The following GALNT13 variants were observed in gnomAD, a reference collection of about 807,000 sequenced individuals.
GALNT13 encodes the protein polypeptide N-acetylgalactosaminyltransferase 13.
Under a neutral mutation model 64.2 loss-of-function variants are expected in GALNT13, and 28 were observed. That is an observed-to-expected ratio of 0.44 (90% confidence interval 0.32 to 0.60). The LOEUF is 0.60. GALNT13 is among the 20% of genes least tolerant of loss of function. The pLI is 0.05. For synonymous variants in GALNT13, 214 were observed against 224.6 expected, an observed-to-expected ratio of 0.95 and a Z score of 0.42; for missense variants, 577 against 669.8, an observed-to-expected ratio of 0.86 and a Z score of 1.53.
the GALNT13 span, among the ~76,000 whole-genome samples, chr2:153,349,245 G>A: frequency 2.0e-5 from 3 of 151,916 alleles, no homozygotes; most frequent in African/African-American, 4.8e-5. Context: ...TCTGTGAACC[G>A]TGCATTTTCT....
chr2:154,212,030 G>T (rs1370319155), intron 4 of GALNT13, among the ~76,000 whole-genome samples: 2 of 152,238 alleles, frequency 1.3e-5, no homozygotes, highest in East Asian at 3.9e-4. Flanking sequence ...TGTCCATTGA[G>T]TTTGGAAAAT....
chr2:153,420,145 T>C, the GALNT13 span, among the ~76,000 whole-genome samples: 3 of 152,210 alleles, frequency 2.0e-5, no homozygotes, highest in Non-Finnish European at 4.4e-5. Flanking sequence ...CCAGTCTGCA[T>C]ATACATTTAG....
rs199906712 is a variant in GALNT13, at chr2:154,252,362, T to TA, written c.857+6380_857+6381insA. On this transcript the variant is annotated intron_variant, in intron 7 of 12. Coordinates refer to ENST00000392825, the MANE Select transcript of GALNT13 (RefSeq NM_052917.4). ...ATTTATTTTATTTTATTATTATTAT[T>TA]TTTTTTTTTTTGAGATGGAGTCTCG... 4.8e-3 allele frequency among the ~76,000 whole-genome samples: 679 copies of TA among 142,098 alleles called. 4 individuals carry two copies. Among genetic ancestry groups the TA allele is most frequent in the Middle Eastern group, 0.019 (5 of 268 alleles). 93.2% of individuals were successfully genotyped at this position (142,098 alleles called of 152,430 possible). A position where few individuals can be genotyped will look rare whatever the true frequency, so the allele number is the denominator to read the frequency against.
At chr2:153,814,439 CAATA>C in the GALNT13 span, among the ~76,000 whole-genome samples, 2,605 of 144,596 alleles carry the variant, frequency 0.018, 28 homozygotes, top group East Asian at 0.073. Flanking sequence ...GACTCCGTCT[CAATA>C]AATAAATAAG....
At chr2:154,226,082 CA>C (rs1688603847) in intron 4 of GALNT13, among the ~76,000 whole-genome samples, 1 of 151,978 alleles carries the variant, frequency 6.6e-6, no homozygotes, top group South Asian at 2.1e-4. Context: ...TATTATGACC[CA>C]CCTTGGAAAA....
the GALNT13 span, among the ~76,000 whole-genome samples, chr2:153,074,313 A>C: frequency 6.6e-6 from 1 of 152,120 alleles, no homozygotes; most frequent in Non-Finnish European, 1.5e-5. Context: ...TGAGTTAACT[A>C]TTTTTCAAAA....
At chr2:153,177,314 A>T in the GALNT13 span, among the ~76,000 whole-genome samples, 25 of 152,236 alleles carry the variant, frequency 1.6e-4, no homozygotes, top group East Asian at 4.1e-3. Context: ...TTTAAAATGT[A>T]TATCTAAAAA....
At chr2:153,893,311 G>T (rs10182037) in intron 1 of GALNT13, among the ~76,000 whole-genome samples, 37,038 of 151,888 alleles carry the variant, frequency 0.24, 4,802 homozygotes, top group Non-Finnish European at 0.28. Context: ...TTTTAATGTT[G>T]AAGTTCTGCC....
chr2:154,224,398 A>G (rs965660964), intron 4 of GALNT13, among the ~76,000 whole-genome samples: 2 of 152,066 alleles, frequency 1.3e-5, no homozygotes, highest in Admixed American at 6.6e-5. Flanking sequence ...GAGTGTGCCT[A>G]TACTCTGATA....
chr2:153,647,939 G>A, the GALNT13 span, among the ~76,000 whole-genome samples: 15 of 152,182 alleles, frequency 9.9e-5, no homozygotes, highest in African/African-American at 3.6e-4. Context: ...GGATTGAATT[G>A]GCAATGTGGG....
chr2:153,644,747 T>C, the GALNT13 span, among the ~76,000 whole-genome samples: 5 of 152,080 alleles, frequency 3.3e-5, no homozygotes, highest in African/African-American at 2.4e-5. Context: ...CAACCACTTA[T>C]ACAAATGCAT....
At chr2:153,368,841 G>A in the GALNT13 span, among the ~76,000 whole-genome samples, 1 of 151,696 alleles carries the variant, frequency 6.6e-6, no homozygotes, top group African/African-American at 2.4e-5. Flanking sequence ...AATATTTAGA[G>A]AACTTTCCAC....
the GALNT13 span, among the ~76,000 whole-genome samples, chr2:153,615,874 C>G: frequency 6.6e-6 from 1 of 151,838 alleles, no homozygotes; most frequent in Non-Finnish European, 1.5e-5. Flanking sequence ...ATATTTTCTC[C>G]CATTCTATGG....
chr2:154,372,532 C>T (rs575093261), intron 9 of GALNT13, among the ~76,000 whole-genome samples: 38 of 152,146 alleles, frequency 2.5e-4, no homozygotes, highest in Non-Finnish European at 4.6e-4. Flanking sequence ...TAACAATCAA[C>T]GACAGGGGAC....
the GALNT13 span, among the ~76,000 whole-genome samples, chr2:153,272,387 A>T: frequency 6.7e-6 from 1 of 148,940 alleles, no homozygotes; most frequent in African/African-American, 2.5e-5. Flanking sequence ...AGTATCCAGA[A>T]GACAAAGAAC....
chr2:153,696,995 G>A, the GALNT13 span, among the ~76,000 whole-genome samples: 1 of 152,196 alleles, frequency 6.6e-6, no homozygotes, highest in Non-Finnish European at 1.5e-5. Context: ...TTTTCTAAAA[G>A]TAATAACGGT....
At chr2:153,889,949 A>T (rs1687442627) in intron 1 of GALNT13, among the ~76,000 whole-genome samples, 1 of 151,696 alleles carries the variant, frequency 6.6e-6, no homozygotes, top group Non-Finnish European at 1.5e-5. Flanking sequence ...GCCAAAATTT[A>T]GTTTTGTGGG....
intron 2 of GALNT13, among the ~76,000 whole-genome samples, chr2:153,931,819 TTC>T (rs529411610): frequency 4.3e-4 from 65 of 152,166 alleles, no homozygotes; most frequent in Non-Finnish European, 6.9e-4. Context: ...GCCTGATATT[TTC>T]TCTTTTCTTT....
chr2:153,646,960 T>A, the GALNT13 span, among the ~76,000 whole-genome samples: 35 of 152,206 alleles, frequency 2.3e-4, no homozygotes, highest in Middle Eastern at 3.4e-3. Flanking sequence ...ATGATTTATA[T>A]TCCTTTGGGT....
Sources: allele counts gnomAD v4.1 joint callset (sites outside exome capture counted in the v4.1 genomes callset), GRCh38; gene constraint gnomAD v4.1.1; transcripts MANE v1.5; gene names NCBI Gene and HGNC (gene_info 2026-07-23, HGNC 2026-07-21).